Variants in WWOX observed in about 807,000 individuals in gnomAD.
WWOX encodes WW domain containing oxidoreductase.
Under a neutral mutation model 46.2 loss-of-function variants are expected in WWOX, and 69 were observed. The ratio of observed to expected loss-of-function variants is 1.49; its 90% CI spans 1.23 to 1.82. The LOEUF (loss-of-function observed/expected upper bound fraction) is 1.82, where lower values mean the gene tolerates loss of function less well. Ranked by LOEUF, WWOX falls within the 40% of genes most tolerant of loss-of-function variation. WWOX has a pLI of 0.00. For missense variants in WWOX, 919 were observed against 542.6 expected, an observed-to-expected ratio of 1.69 and a Z score of -6.89; for synonymous variants, 359 against 202.6, an observed-to-expected ratio of 1.77 and a Z score of -6.56.
chr16:78,099,710 G>A lies in WWOX; in HGVS notation c.-69G>A, dbSNP rs1394153851. The A allele has an allele frequency of 5.4e-6, 8 of 1,486,062 alleles. No individual in the cohort carries two copies. The highest frequency in any genetic ancestry group is 2.6e-5 in the East Asian group (1 of 38,386). The allele number at this position is 1,486,062 out of a possible 1,614,324, so 92.1% of individuals were successfully genotyped here. A position where few individuals can be genotyped will look rare whatever the true frequency, so the allele number is the denominator to read the frequency against. ...ACGCGCGCGGGTCTCGTTTGGAGCGGGAGTGAGTTCCTGAGCGAGTGGACC... is the reference window on the plus strand; with the variant it reads ...ACGCGCGCGGGTCTCGTTTGGAGCGAGAGTGAGTTCCTGAGCGAGTGGACC... On this transcript the variant is annotated 5_prime_UTR_variant, in exon 1 of 9. Coordinates refer to ENST00000566780, the MANE Select transcript of WWOX (RefSeq NM_016373.4).
intron 5 of WWOX, among the ~76,000 whole-genome samples, chr16:78,250,936 G>A (rs973208569): frequency 6.6e-6 from 1 of 152,100 alleles, no homozygotes; most frequent in Non-Finnish European, 1.5e-5. Flanking sequence ...TGTGTTCCAC[G>A]GGACAGGCAT....
intron 8 of WWOX, among the ~76,000 whole-genome samples, chr16:78,624,937 CT>C (rs1248465716): frequency 6.6e-6 from 1 of 152,124 alleles, no homozygotes; most frequent in Non-Finnish European, 1.5e-5. Context: ...TTCATTTTAC[CT>C]AAAGGGTAAG....
chr16:78,771,089 C>T (rs1399004901), intron 8 of WWOX, among the ~76,000 whole-genome samples: 3 of 152,192 alleles, frequency 2.0e-5, no homozygotes, highest in South Asian at 2.1e-4. Context: ...GCAAGTAAGC[C>T]AGCTGCAACA....
At chr16:78,530,888 C>T (rs935873813) in intron 8 of WWOX, among the ~76,000 whole-genome samples, 1 of 152,194 alleles carries the variant, frequency 6.6e-6, no homozygotes, top group African/African-American at 2.4e-5. Flanking sequence ...AAACGTTTTA[C>T]AACACATTAT....
Position 78,756,403 on chromosome 16 carries a change from T to C in WWOX, c.1056+323651T>C, listed in dbSNP as rs921874032. Among the ~76,000 whole-genome samples, 5 of 152,146 alleles carry C rather than the reference T, an allele frequency of 3.3e-5. No homozygotes were observed. The East Asian group carries it at 5.8e-4, about 18-fold the overall frequency. ...GATAGGACAGAACTCCAGAGGACTCTTAAACATTATTCAGGAAGCTCTGAA... is the reference window on the plus strand; with the variant it reads ...GATAGGACAGAACTCCAGAGGACTCCTAAACATTATTCAGGAAGCTCTGAA... On this transcript the variant is annotated intron_variant, in intron 8 of 8. Coordinates refer to ENST00000566780, the MANE Select transcript of WWOX (RefSeq NM_016373.4).
intron 8 of WWOX, among the ~76,000 whole-genome samples, chr16:78,646,282 G>C (rs1327037542): frequency 1.3e-5 from 2 of 152,084 alleles, no homozygotes; most frequent in African/African-American, 4.8e-5. Context: ...CCAAAGTGCT[G>C]GGATTATAGG....
Position 78,790,199 on chromosome 16 carries a change from C to A in WWOX, c.1056+357447C>A, listed in dbSNP as rs1019852703. Among the ~76,000 whole-genome samples the A allele has an allele frequency of 2.0e-5, 3 of 152,116 alleles. No homozygotes were observed. In the South Asian group the frequency reaches 6.2e-4, roughly 32 times the overall value. ...TTGCCCGGGCTGGAGTGCAGTGGTG[C>A]GATCTCAGCTCACTGCAACCTGCTT... On this transcript the variant is annotated intron_variant, in intron 8 of 8. Coordinates refer to ENST00000566780, the MANE Select transcript of WWOX (RefSeq NM_016373.4).
intron 8 of WWOX, chr16:78,898,762 T>G (rs558532043): frequency 6.6e-6 from 1 of 152,294 alleles, no homozygotes; most frequent in African/African-American, 2.4e-5. Flanking sequence ...TCTCTCCATT[T>G]ATTTAAGGCT....
chr16:78,541,709 C>A lies in WWOX; in HGVS notation c.1056+108957C>A, dbSNP rs945291629. 2.0e-5 allele frequency among the ~76,000 whole-genome samples: 3 copies of A among 151,914 alleles called. No individual in the cohort carries two copies. In the East Asian group the frequency reaches 5.8e-4, roughly 30 times the overall value. Reference sequence around the variant, plus strand: ...AAGTGATTTAGCCTTTGTTCCCCTCCAGGTCCTTATCTGTAAGGTGGCAGT... The same window carrying A: ...AAGTGATTTAGCCTTTGTTCCCCTCAAGGTCCTTATCTGTAAGGTGGCAGT... On this transcript the variant is annotated intron_variant, in intron 8 of 8. Coordinates refer to ENST00000566780, the MANE Select transcript of WWOX (RefSeq NM_016373.4).
chr16:78,716,745 C>T (rs1299908555), intron 8 of WWOX, among the ~76,000 whole-genome samples: 1 of 152,078 alleles, frequency 6.6e-6, no homozygotes, highest in Non-Finnish European at 1.5e-5. Flanking sequence ...AAAAAAGCGT[C>T]TCTATTCGAA....
intron 5 of WWOX, among the ~76,000 whole-genome samples, chr16:78,332,384 CT>C (rs2080779308): frequency 6.6e-6 from 1 of 152,192 alleles, no homozygotes; most frequent in Non-Finnish European, 1.5e-5. Flanking sequence ...GGTATTTCCT[CT>C]GTGCAATCTG....
At chr16:78,834,533 G>C (rs2051922180) in intron 8 of WWOX, among the ~76,000 whole-genome samples, 1 of 152,156 alleles carries the variant, frequency 6.6e-6, no homozygotes, top group Non-Finnish European at 1.5e-5. Context: ...TGTAAACAAG[G>C]TCTGAAGGCT....
chr16:78,817,595 C>T (rs1296232886), intron 8 of WWOX, among the ~76,000 whole-genome samples: 2 of 152,190 alleles, frequency 1.3e-5, no homozygotes, highest in South Asian at 2.1e-4. Flanking sequence ...CGCTTGGAGC[C>T]AGCACTAATT....
chr16:78,579,880 C>T (rs1001179730), intron 8 of WWOX, among the ~76,000 whole-genome samples: 2 of 152,120 alleles, frequency 1.3e-5, no homozygotes, highest in African/African-American at 4.8e-5. Flanking sequence ...CTCACTGGAA[C>T]CCAAGCAAAG....
intron 8 of WWOX, among the ~76,000 whole-genome samples, chr16:78,758,951 A>C (rs908323251): frequency 4.0e-5 from 6 of 151,152 alleles, no homozygotes; most frequent in African/African-American, 9.8e-5. Flanking sequence ...AAAAAAAAAA[A>C]CAAAAAACCT....
At chr16:78,760,766 C>G (rs1369899460) in intron 8 of WWOX, among the ~76,000 whole-genome samples, 1 of 152,198 alleles carries the variant, frequency 6.6e-6, no homozygotes, top group Admixed American at 6.5e-5. Flanking sequence ...GCATTACAGG[C>G]TGCATTAGTC....
chr16:78,619,354 G>A (rs1358893539), intron 8 of WWOX, among the ~76,000 whole-genome samples: 2 of 68,534 alleles, frequency 2.9e-5, no homozygotes, highest in African/African-American at 5.9e-5. Context: ...AGAGCAAGAC[G>A]CCATCTCAAA....
intron 8 of WWOX, among the ~76,000 whole-genome samples, chr16:79,195,140 G>C (rs975887129): frequency 6.6e-6 from 1 of 152,112 alleles, no homozygotes; most frequent in African/African-American, 2.4e-5. Flanking sequence ...GACTGGTTAT[G>C]TATATTTCTC....
rs183716110 is a variant in WWOX, at chr16:78,500,272, A to G, written c.1056+67520A>G. On this transcript the variant is annotated intron_variant, in intron 8 of 8. Transcript: ENST00000566780. ...AAACAGAAGGTATGAATTGCTTGGC[A>G]TTTGCTGTGGTTCCTAAGTCTCCAT... Among the ~76,000 whole-genome samples, 547 of 152,280 alleles carry G rather than the reference A, an allele frequency of 3.6e-3. 3 individuals carry two copies. Among genetic ancestry groups the G allele is most frequent in the African/African-American group, 0.013 (526 of 41,560 alleles).
Sources: gnomAD v4.1 joint callset for allele counts (sites outside exome capture counted in the v4.1 genomes callset) on GRCh38, gnomAD v4.1.1 for gene constraint, MANE v1.5 for transcripts, NCBI Gene and HGNC (gene_info 2026-07-23, HGNC 2026-07-21) for gene names.